Variants in TRPM3 observed in about 807,000 individuals in gnomAD.
The protein encoded by TRPM3 is transient receptor potential cation channel subfamily M member 3.
In TRPM3, 77 loss-of-function variants were observed where a neutral mutation model predicts 181.2. The ratio of observed to expected loss-of-function variants is 0.42; its 90% CI spans 0.35 to 0.51. The LOEUF is 0.51. Ranked by LOEUF, TRPM3 falls within the 20% of genes least tolerant of loss-of-function variation. The pLI is 0.01. For missense variants in TRPM3, 1,759 were observed against 2,196.7 expected, an observed-to-expected ratio of 0.80 and a Z score of 3.98; for synonymous variants, 745 against 796.4, an observed-to-expected ratio of 0.94 and a Z score of 1.09.
intron 1 of TRPM3, among the ~76,000 whole-genome samples, chr9:71,063,954 G>C (rs977562147): frequency 6.6e-6 from 1 of 152,052 alleles, no homozygotes; most frequent in Non-Finnish European, 1.5e-5. Context: ...ATTGGAATGA[G>C]TCAAATTAGG....
At chr9:71,200,930 T>G (rs2078744892) in intron 1 of TRPM3, among the ~76,000 whole-genome samples, 1 of 150,906 alleles carries the variant, frequency 6.6e-6, no homozygotes, top group African/African-American at 2.4e-5. Context: ...TGTTAGCTGG[T>G]TATTTTGCTC....
intron 1 of TRPM3, among the ~76,000 whole-genome samples, chr9:70,926,000 A>G (rs994187783): frequency 4.7e-4 from 69 of 147,904 alleles, no homozygotes; most frequent in African/African-American, 1.7e-3. Context: ...GGGAAAACAA[A>G]AAAAAAAAAA....
Position 70,817,444 on chromosome 9 carries a change from T to C in TRPM3, c.973+10403A>G, listed in dbSNP as rs145348087. 2.1e-3 allele frequency among the ~76,000 whole-genome samples: 314 copies of C among 152,312 alleles called. 3 individuals are homozygous for C. Among genetic ancestry groups the C allele is most frequent in the African/African-American group, 7.2e-3 (300 of 41,564 alleles). On this transcript the variant is annotated intron_variant, in intron 6 of 25. Transcript: ENST00000677713. ...ACCCACATCAGAGCTGAACTCATGT[T>C]CAGAGTAACATATGAATAGGAAAAA...
chr9:71,242,848 C>T (rs117067018), intron 1 of TRPM3, among the ~76,000 whole-genome samples: 133 of 152,154 alleles, frequency 8.7e-4, no homozygotes, highest in Non-Finnish European at 1.5e-3. Flanking sequence ...CCTCTGCTTA[C>T]AACCTTCCAA....
intron 22 of TRPM3, among the ~76,000 whole-genome samples, chr9:70,564,400 A>AATTTC: frequency 6.6e-6 from 1 of 152,284 alleles, no homozygotes; most frequent in Non-Finnish European, 1.5e-5. Context: ...CCTGTAGGTG[A>AATTTC]AGGGAGCTGG....
At chr9:71,144,555 ATGGGTCAATTACATTTCCCTCATC>A (rs985981885) in intron 1 of TRPM3, among the ~76,000 whole-genome samples, 1 of 152,102 alleles carries the variant, frequency 6.6e-6, no homozygotes, top group African/African-American at 2.4e-5. Flanking sequence ...TTTCCCTCAT[ATGGGTCAATTACATTTCCCTCATC>A]TGGGTCAATT....
chr9:70,915,560 C>A (rs956943098), intron 1 of TRPM3, among the ~76,000 whole-genome samples: 2 of 151,728 alleles, frequency 1.3e-5, no homozygotes, highest in Non-Finnish European at 1.5e-5. Flanking sequence ...CCGCCTTGGC[C>A]TCCCACAGTG....
At chr9:71,259,170 T>C (rs1588165811) in intron 1 of TRPM3, among the ~76,000 whole-genome samples, 1 of 152,198 alleles carries the variant, frequency 6.6e-6, no homozygotes, top group Non-Finnish European at 1.5e-5. Context: ...ATGTGTCAGT[T>C]TGCTGAGAAT....
chr9:70,851,972 C>T (rs1358487383), intron 3 of TRPM3, among the ~76,000 whole-genome samples: 1 of 151,200 alleles, frequency 6.6e-6, no homozygotes, highest in Non-Finnish European at 1.5e-5. Context: ...ACAAAAAATT[C>T]ACTGGGTGCA....
chr9:71,200,001 T>C (rs2078672450), intron 1 of TRPM3, among the ~76,000 whole-genome samples: 1 of 152,268 alleles, frequency 6.6e-6, no homozygotes. Flanking sequence ...CTTTCTATTG[T>C]GCACATTTAG....
At chr9:70,768,493 GT>G (rs890464632) in intron 7 of TRPM3, among the ~76,000 whole-genome samples, 121 of 149,584 alleles carry the variant, frequency 8.1e-4, no homozygotes, top group African/African-American at 2.7e-3. Context: ...ACCAAAAACA[GT>G]TTTTTTTTTC....
chr9:70,800,560 C>G (rs748484579), intron 6 of TRPM3, among the ~76,000 whole-genome samples: 1 of 152,154 alleles, frequency 6.6e-6, no homozygotes, highest in African/African-American at 2.4e-5. Flanking sequence ...GCAAGACCAA[C>G]CCTCCTCTTC....
chr9:71,026,714 G>A (rs575382382), intron 1 of TRPM3, among the ~76,000 whole-genome samples: 15 of 152,234 alleles, frequency 9.9e-5, no homozygotes, highest in Admixed American at 7.8e-4. Context: ...CGCTGACACC[G>A]GTGCAAAGAA....
At chr9:70,808,531 G>T (rs2131361218) in intron 6 of TRPM3, among the ~76,000 whole-genome samples, 1 of 152,188 alleles carries the variant, frequency 6.6e-6, no homozygotes, top group East Asian at 1.9e-4. Flanking sequence ...TTATTTTTTT[G>T]GCTTCATTAT....
chr9:71,328,485 C>G (rs941568463), intron 1 of TRPM3, among the ~76,000 whole-genome samples: 2 of 152,108 alleles, frequency 1.3e-5, no homozygotes, highest in Non-Finnish European at 2.9e-5. Context: ...TTTATCTTCC[C>G]CACATATGTG....
At chr9:70,858,631 C>A (rs1220606303) in intron 3 of TRPM3, among the ~76,000 whole-genome samples, 1 of 151,932 alleles carries the variant, frequency 6.6e-6, no homozygotes, top group East Asian at 1.9e-4. Flanking sequence ...GCTGATTAGA[C>A]TCAGAAAGAA....
intron 1 of TRPM3, among the ~76,000 whole-genome samples, chr9:71,140,443 G>C (rs1214824415): frequency 6.6e-6 from 1 of 152,020 alleles, no homozygotes; most frequent in Non-Finnish European, 1.5e-5. Flanking sequence ...CCCTTCCTTT[G>C]TTCATTCTCT....
At chr9:70,621,850 G>A (rs2063686155) in intron 14 of TRPM3, among the ~76,000 whole-genome samples, 1 of 152,144 alleles carries the variant, frequency 6.6e-6, no homozygotes, top group Non-Finnish European at 1.5e-5. Context: ...GGCATAATGA[G>A]ATTGCCTGAG....
rs896807339 is a variant in TRPM3 at position 70,533,933 on chromosome 9, T to C, written c.*2020A>G. ...TTATCTTATATTTAAAGGCCATGTA[T>C]TTACTTGATTTCACAAAATAAAGTA... On this transcript the variant is annotated 3_prime_UTR_variant, in exon 26 of 26. Coordinates refer to ENST00000677713, the MANE Select transcript of TRPM3 (RefSeq NM_001366145.2). 3 of 152,346 alleles carry C rather than the reference T, an allele frequency of 2.0e-5. No individual in the cohort carries two copies. Among genetic ancestry groups the C allele is most frequent in the Admixed American group, 6.5e-5 (1 of 15,308 alleles). The allele number at this position is 152,346 out of a possible 1,614,324, so 9.4% of individuals were successfully genotyped here.
Sources: gnomAD v4.1 joint callset for allele counts (sites outside exome capture counted in the v4.1 genomes callset) on GRCh38, gnomAD v4.1.1 for gene constraint, MANE v1.5 for transcripts, NCBI Gene and HGNC (gene_info 2026-07-23, HGNC 2026-07-21) for gene names.